The following SEZ6L variants were observed in gnomAD, a reference collection of about 807,000 sequenced individuals.
The protein encoded by SEZ6L is seizure related 6 homolog like, also known as seizure 6-like protein.
In SEZ6L, 37 loss-of-function variants were observed where a neutral mutation model predicts 106.2. That is an observed-to-expected ratio of 0.35 (90% CI 0.27 to 0.46). The LOEUF is 0.46. SEZ6L is among the 20% of genes least tolerant of loss of function. The probability of loss-of-function intolerance (pLI) is 1.00; values close to 1 mark genes in which losing one functional copy is unlikely to be tolerated. For synonymous variants in SEZ6L, 541 were observed against 570.4 expected (o/e 0.95, Z 0.73); for missense variants, 1,172 against 1,332.8 (o/e 0.88, Z 1.88).
At chr22:26,367,327 ATTTG>A (rs763689672) in intron 13 of SEZ6L, among the ~76,000 whole-genome samples, 23 of 151,138 alleles carry the variant, frequency 1.5e-4, no homozygotes, top group South Asian at 4.2e-4. Context: ...GTTTTTGTTG[ATTTG>A]TTTGTTTGTT....
At chr22:26,309,642 G>A (rs632740) in intron 6 of SEZ6L, among the ~76,000 whole-genome samples, 28,504 of 151,956 alleles carry the variant, frequency 0.19, 3,257 homozygotes, top group Non-Finnish European at 0.26. Flanking sequence ...GCAGTGGCTC[G>A]ATCTCGGCTC....
chr22:26,314,044 T>A (rs368201888), intron 9 of SEZ6L, 142 bp downstream of exon 9: 1 of 694,292 alleles, frequency 1.4e-6, no homozygotes, highest in Non-Finnish European at 2.5e-6. Context: ...GGCATTCCCA[T>A]AGTGAGACCA....
At chr22:26,171,020 C>T (rs1407285897) in intron 1 of SEZ6L, among the ~76,000 whole-genome samples, 1 of 152,224 alleles carries the variant, frequency 6.6e-6, no homozygotes, top group Non-Finnish European at 1.5e-5. Flanking sequence ...GGCCCTGGCT[C>T]TGGGTCCCTT....
In SEZ6L at chr22:26,296,902, C is replaced by T. The variant is rs1395634650; in HGVS notation, c.984C>T (p.Asn328=). The T allele has an allele frequency of 6.2e-7, 1 of 1,608,674 alleles. No homozygotes were observed. The highest frequency in any genetic ancestry group is 1.3e-5 in the African/African-American group (1 of 74,918). ...YGVELQVKSV[N]LSDGELLSIR... is the part of the protein sequence containing the mutation. ...CCTGTTCCCAGGTGAAGAGTGTGAA[C>T]CTGTCCGATGGGGAACTGCTCTCCA... is the stretch of plus-strand genomic sequence containing the variant. Residue 328 remains asparagine, a synonymous_variant, in exon 4 of 17, where the codon AAC becomes AAT. Coordinates refer to ENST00000248933, the MANE Select transcript of SEZ6L (RefSeq NM_021115.5).
At chr22:26,251,439 G>C (rs1207384) in intron 1 of SEZ6L, among the ~76,000 whole-genome samples, 32,475 of 151,966 alleles carry the variant, frequency 0.21, 4,054 homozygotes, top group South Asian at 0.32. Context: ...GATTCTTTTG[G>C]GGTAGTGTAT....
chr22:26,289,621 G>A (rs918601666), intron 1 of SEZ6L, among the ~76,000 whole-genome samples: 1 of 152,204 alleles, frequency 6.6e-6, no homozygotes, highest in Admixed American at 6.5e-5. Context: ...TCCTGGCCCA[G>A]CATCACTGGC....
At chr22:26,343,722 G>T (rs919517265) in intron 10 of SEZ6L, among the ~76,000 whole-genome samples, 4 of 152,170 alleles carry the variant, frequency 2.6e-5, no homozygotes, top group Non-Finnish European at 4.4e-5. Context: ...GGCAGAAAAA[G>T]GATTGCAGAG....
intron 9 of SEZ6L, among the ~76,000 whole-genome samples, chr22:26,316,935 G>GAAAGA (rs145398062): frequency 1.2e-4 from 16 of 128,742 alleles, no homozygotes; most frequent in Admixed American, 2.3e-4. Flanking sequence ...AAGAAAGAAA[G>GAAAGA]AAAAGAAAGA....
At chr22:26,356,069 A>G (rs2083427612) in intron 12 of SEZ6L, among the ~76,000 whole-genome samples, 1 of 152,240 alleles carries the variant, frequency 6.6e-6, no homozygotes, top group African/African-American at 2.4e-5. Flanking sequence ...TCACTCAGTC[A>G]TTCAGCTTAC....
intron 1 of SEZ6L, among the ~76,000 whole-genome samples, chr22:26,196,904 A>G (rs1458034083): frequency 6.6e-6 from 1 of 152,240 alleles, no homozygotes; most frequent in Non-Finnish European, 1.5e-5. Flanking sequence ...TTGCCGCAAT[A>G]GGGAAGGCTT....
At chr22:26,236,152 G>A (rs1170300478) in intron 1 of SEZ6L, among the ~76,000 whole-genome samples, 1 of 152,218 alleles carries the variant, frequency 6.6e-6, no homozygotes, top group African/African-American at 2.4e-5. Flanking sequence ...GGTGGATGCA[G>A]GAAAGTGTTT....
chr22:26,297,078 A>G lies in SEZ6L; in HGVS notation c.1160A>G (p.Gln387Arg), dbSNP rs1359080394. Reference protein sequence around the residue: ...DGLGTFQLHYQAFMLSCNFPR... With the variant: ...DGLGTFQLHYRAFMLSCNFPR... ...CTTGGGACCTTCCAGCTTCACTACCAGGGTAGGGTCAGGCCAAGGCTGATG... is the reference window on the plus strand; with the variant it reads ...CTTGGGACCTTCCAGCTTCACTACCGGGGTAGGGTCAGGCCAAGGCTGATG... The change falls in exon 4 of 17, where the codon CAG becomes CGG. Residue 387 changes from glutamine to arginine, a missense_variant and splice_region_variant. Gln to Arg is a conservative substitution (Grantham distance 43). Transcript: ENST00000248933. 1 of 1,612,008 alleles carries G rather than the reference A, an allele frequency of 6.2e-7. No homozygotes were observed. Among genetic ancestry groups the G allele is most frequent in the Non-Finnish European group, 8.5e-7 (1 of 1,178,964 alleles).
At chr22:26,172,431 A>G (rs1938686883) in intron 1 of SEZ6L, among the ~76,000 whole-genome samples, 1 of 152,206 alleles carries the variant, frequency 6.6e-6, no homozygotes, top group Non-Finnish European at 1.5e-5. Flanking sequence ...TTCCAGGGCA[A>G]AAGGATATTT....
chr22:26,234,173 G>A (rs2078886056), intron 1 of SEZ6L, among the ~76,000 whole-genome samples: 1 of 152,222 alleles, frequency 6.6e-6, no homozygotes, highest in Non-Finnish European at 1.5e-5. Context: ...GGATCCAAGA[G>A]AGGGGGCAGG....
chr22:26,169,705 CG>C lies in SEZ6L; in HGVS notation c.39del (p.Ile14SerfsTer54). The C allele has an allele frequency of 7.6e-7, 1 of 1,311,064 alleles. No individual in the cohort carries two copies. The highest frequency in any genetic ancestry group is 9.7e-7 in the Non-Finnish European group (1 of 1,032,588). 81.2% of individuals were successfully genotyped at this position (1,311,064 alleles called of 1,614,324 possible). On this transcript the variant is annotated frameshift_variant, in exon 1 of 17. Coordinates refer to ENST00000248933, the MANE Select transcript of SEZ6L (RefSeq NM_021115.5). LOFTEE classifies it high-confidence loss of function. ...AARPPAAGLR[G>X]ISLFLALLLG... ...CCCGGCCGCCCGCCGCGGGACTCCG[CG>C]GGATCTCGCTGTTCCTCGCTCTGCT... is the stretch of plus-strand genomic sequence containing the variant.
intron 12 of SEZ6L, among the ~76,000 whole-genome samples, chr22:26,356,470 C>T (rs569053332): frequency 2.4e-4 from 36 of 151,508 alleles, no homozygotes; most frequent in African/African-American, 7.3e-4. Context: ...AGTGAAACCC[C>T]GTCTCTACTA....
chr22:26,278,582 C>G (rs1316939363), intron 1 of SEZ6L, among the ~76,000 whole-genome samples: 3 of 152,138 alleles, frequency 2.0e-5, no homozygotes, highest in Non-Finnish European at 4.4e-5. Context: ...TAGGATATGC[C>G]TCCAGCTCCA....
At chr22:26,370,409 T>A (rs2083990462) in intron 13 of SEZ6L, among the ~76,000 whole-genome samples, 1 of 152,004 alleles carries the variant, frequency 6.6e-6, no homozygotes, top group African/African-American at 2.4e-5. Flanking sequence ...AAAAAAACCC[T>A]AAATAAGAAA....
intron 1 of SEZ6L, among the ~76,000 whole-genome samples, chr22:26,191,234 G>C (rs1569365181): frequency 6.6e-6 from 1 of 151,742 alleles, no homozygotes; most frequent in Non-Finnish European, 1.5e-5. Context: ...CCCATTACTG[G>C]GTATACATTC....
Sources: gnomAD v4.1 joint callset for allele counts (sites outside exome capture counted in the v4.1 genomes callset) on GRCh38, gnomAD v4.1.1 for gene constraint, MANE v1.5 for transcripts, NCBI Gene and HGNC (gene_info 2026-07-23, HGNC 2026-07-21) for gene names.